PRR16: variants seen among roughly 807,000 people sequenced by gnomAD.
The protein encoded by PRR16 is proline rich 16, also known as protein Largen.
In PRR16, 6 loss-of-function variants were observed where a neutral mutation model predicts 18.2. The ratio of observed to expected loss-of-function variants is 0.33; its 90% CI spans 0.18 to 0.65. PRR16 has a LOEUF of 0.65. Ranked by LOEUF, PRR16 falls within the 30% of genes least tolerant of loss-of-function variation. The pLI is 0.74. For missense variants in PRR16, 412 were observed against 376.6 expected (o/e 1.09, Z -0.78); for synonymous variants, 151 against 147.8 (o/e 1.02, Z -0.16).
At chr5:120,692,394 A>T in the PRR16 span, among the ~76,000 whole-genome samples, 3 of 152,044 alleles carry the variant, frequency 2.0e-5, no homozygotes, top group Non-Finnish European at 4.4e-5. Context: ...GACTGTGTTG[A>T]CTCTGGGAAT....
At chr5:120,764,549 G>C in the PRR16 span, among the ~76,000 whole-genome samples, 1 of 151,752 alleles carries the variant, frequency 6.6e-6, no homozygotes, top group Non-Finnish European at 1.5e-5. Context: ...TCTGATTTTG[G>C]TGTCAGGCTT....
chr5:120,500,970 A>G (rs1236013575), intron 1 of PRR16, among the ~76,000 whole-genome samples: 4 of 152,006 alleles, frequency 2.6e-5, no homozygotes, highest in Non-Finnish European at 5.9e-5. Context: ...TTATTCCTAT[A>G]TAACAACTCA....
chr5:120,569,668 A>G (rs568587706), intron 1 of PRR16, among the ~76,000 whole-genome samples: 1 of 152,240 alleles, frequency 6.6e-6, no homozygotes, highest in Non-Finnish European at 1.5e-5. Context: ...AGCAGCAGAA[A>G]AATGCCACGG....
chr5:120,775,294 C>T, the PRR16 span, among the ~76,000 whole-genome samples: 1 of 152,098 alleles, frequency 6.6e-6, no homozygotes, highest in South Asian at 2.1e-4. Flanking sequence ...TCCTCTTTGT[C>T]CTCTTCTCCT....
At chr5:120,605,861 T>A (rs1754136164) in intron 1 of PRR16, among the ~76,000 whole-genome samples, 1 of 152,184 alleles carries the variant, frequency 6.6e-6, no homozygotes, top group Non-Finnish European at 1.5e-5. Flanking sequence ...TTCTGGTCCC[T>A]GGAGGTCAAG....
the PRR16 span, among the ~76,000 whole-genome samples, chr5:120,739,277 T>A: frequency 1.3e-5 from 2 of 152,144 alleles, no homozygotes; most frequent in Non-Finnish European, 2.9e-5. Flanking sequence ...TATAAAAAAA[T>A]TTGTAATGCT....
downstream of PRR16, among the ~76,000 whole-genome samples, chr5:120,687,705 T>G (rs570359499): frequency 5.5e-4 from 84 of 152,302 alleles, no homozygotes; most frequent in Admixed American, 1.6e-3. Flanking sequence ...GGTATCAGGA[T>G]GTGTTCAGCA....
the PRR16 span, among the ~76,000 whole-genome samples, chr5:120,780,663 G>GT: frequency 2.0e-5 from 3 of 151,958 alleles, no homozygotes; most frequent in African/African-American, 7.3e-5. Flanking sequence ...GCTTTTCAAC[G>GT]TTTTTTTACA....
intron 1 of PRR16, among the ~76,000 whole-genome samples, chr5:120,652,238 T>C (rs2405963): frequency 0.69 from 104,650 of 151,874 alleles, 37,436 homozygotes; most frequent in East Asian, 0.89. Context: ...GTCTATGTTT[T>C]TTTTGTTTAT....
intron 1 of PRR16, among the ~76,000 whole-genome samples, chr5:120,632,368 G>C (rs1328030840): frequency 6.6e-6 from 1 of 151,982 alleles, no homozygotes; most frequent in African/African-American, 2.4e-5. Context: ...ATATATCCAA[G>C]CCAAGACAAA....
chr5:120,781,509 A>G, the PRR16 span: 1 of 152,186 alleles, frequency 6.6e-6, no homozygotes, highest in African/African-American at 2.4e-5. Context: ...CTTCAGAGGT[A>G]AGTGCTCCTT....
chr5:120,652,884 G>A (rs974924147), intron 1 of PRR16, among the ~76,000 whole-genome samples: 2 of 151,804 alleles, frequency 1.3e-5, no homozygotes, highest in African/African-American at 4.8e-5. Context: ...AAAAATAGGG[G>A]AAACTGAGTG....
chr5:120,633,884 A>C (rs1190697515), intron 1 of PRR16, among the ~76,000 whole-genome samples: 1 of 152,110 alleles, frequency 6.6e-6, no homozygotes, highest in Non-Finnish European at 1.5e-5. Context: ...TAGATAGGTC[A>C]TCAAGACAGA....
the PRR16 span, among the ~76,000 whole-genome samples, chr5:120,787,593 G>C: frequency 1.3e-5 from 2 of 152,056 alleles, no homozygotes; most frequent in African/African-American, 4.8e-5. Flanking sequence ...AATAATGTTT[G>C]CTCTTATCTT....
At chr5:120,699,772 C>T in the PRR16 span, among the ~76,000 whole-genome samples, 1 of 152,148 alleles carries the variant, frequency 6.6e-6, no homozygotes, top group Non-Finnish European at 1.5e-5. Flanking sequence ...ATTCTGACCA[C>T]ACTAACCATG....
the PRR16 span, among the ~76,000 whole-genome samples, chr5:120,778,638 T>C: frequency 1.3e-4 from 20 of 152,160 alleles, no homozygotes; most frequent in Non-Finnish European, 2.6e-4. Context: ...CGTGATTGTA[T>C]TCAGCAGATT....
intron 1 of PRR16, among the ~76,000 whole-genome samples, chr5:120,664,922 T>C (rs1273369722): frequency 6.6e-6 from 1 of 152,014 alleles, no homozygotes; most frequent in African/African-American, 2.4e-5. Context: ...AACATATGTG[T>C]GCATGTATCT....
chr5:120,477,821 C>A (rs944873003), intron 1 of PRR16, among the ~76,000 whole-genome samples: 10 of 152,132 alleles, frequency 6.6e-5, no homozygotes, highest in South Asian at 4.1e-4. Context: ...TCGGCTGTTA[C>A]AGGAACAAAG....
the PRR16 span, among the ~76,000 whole-genome samples, chr5:120,793,577 G>C: frequency 6.6e-6 from 1 of 152,260 alleles, no homozygotes; most frequent in African/African-American, 2.4e-5. Flanking sequence ...AGACTGGTTA[G>C]ATGGAAATCA....
Sources: allele counts gnomAD v4.1 joint callset (sites outside exome capture counted in the v4.1 genomes callset), GRCh38; gene constraint gnomAD v4.1.1; transcripts MANE v1.5; gene names NCBI Gene and HGNC (gene_info 2026-07-23, HGNC 2026-07-21).